The following KIF24 variants were observed in gnomAD, a reference collection of about 807,000 sequenced individuals.
KIF24 encodes kinesin-like protein KIF24.
In KIF24, 81 loss-of-function variants were observed where a neutral mutation model predicts 118.9. The observed-to-expected ratio is 0.68, with a 90% CI of 0.57 to 0.82. The LOEUF (loss-of-function observed/expected upper bound fraction) is 0.82, where lower values mean the gene tolerates loss of function less well. Among genes scored for constraint, KIF24 ranks in the 40% least tolerant of loss-of-function variants. The probability of loss-of-function intolerance (pLI) is 0.00; values close to 1 mark genes in which losing one functional copy is unlikely to be tolerated. For missense variants in KIF24, 1,560 were observed against 1,661.6 expected (o/e 0.94, Z 1.06); for synonymous variants, 599 against 610.0 (o/e 0.98, Z 0.27).
At chr9:34,287,636 G>A (rs1836098443) in intron 5 of KIF24, among the ~76,000 whole-genome samples, 1 of 152,128 alleles carries the variant, frequency 6.6e-6, no homozygotes, top group Non-Finnish European at 1.5e-5. Context: ...CTTCATCCCA[G>A]TTTTCCAGAT....
At chr9:34,300,015 C>T (rs1836638641) in intron 3 of KIF24, among the ~76,000 whole-genome samples, 1 of 152,054 alleles carries the variant, frequency 6.6e-6, no homozygotes. Flanking sequence ...ATGGACAGAT[C>T]CAGAAAACTG....
At chr9:34,311,643 TATATATACGTGTATATAC>T (rs1333272737) in intron 1 of KIF24, among the ~76,000 whole-genome samples, 6 of 143,750 alleles carry the variant, frequency 4.2e-5, no homozygotes, top group South Asian at 2.2e-4. Flanking sequence ...TACATATGTG[TATATATACGTGTATATAC>T]ATATATACGT....
At chr9:34,289,547 C>T (rs1836174711) in intron 5 of KIF24, among the ~76,000 whole-genome samples, 1 of 152,200 alleles carries the variant, frequency 6.6e-6, no homozygotes, top group Non-Finnish European at 1.5e-5. Flanking sequence ...ATTTCCTCCA[C>T]AACTTCTTTT....
At position 34,253,677 on chromosome 9, in the gene KIF24, A is replaced by G. The variant is rs1182560607; in HGVS notation, c.*703T>C. 1.3e-5 allele frequency: 2 copies of G among 152,228 alleles called. No individual in the cohort carries two copies. Among genetic ancestry groups the G allele is most frequent in the African/African-American group, 4.8e-5 (2 of 41,424 alleles). 9.4% of individuals were successfully genotyped at this position (152,228 alleles called of 1,614,324 possible). On this transcript the variant is annotated 3_prime_UTR_variant, in exon 13 of 13. Transcript: ENST00000402558. ...TTCACCCGAGCAAAAGTCAGGAGAAAAATTGATGTGTGACACAGGCACCCT... is the reference window on the plus strand; with the variant it reads ...TTCACCCGAGCAAAAGTCAGGAGAAGAATTGATGTGTGACACAGGCACCCT...
chr9:34,298,311 C>T (rs1254926815), intron 3 of KIF24, among the ~76,000 whole-genome samples: 4 of 152,028 alleles, frequency 2.6e-5, no homozygotes, highest in East Asian at 1.9e-4. Context: ...TTTGGGAGGC[C>T]GAGGCAGGTG....
At chr9:34,270,698 T>G (rs1384958841) in intron 7 of KIF24, among the ~76,000 whole-genome samples, 2 of 150,412 alleles carry the variant, frequency 1.3e-5, no homozygotes, top group Non-Finnish European at 3.0e-5. Context: ...GCTCAAGAGA[T>G]TCTCTCACCT....
In KIF24 at chr9:34,318,408, G is replaced by A. The variant is rs1411600653; in HGVS notation, c.-25-7037C>T. 3 of 594,548 alleles carry A rather than the reference G, an allele frequency of 5.0e-6. No homozygotes were observed. The highest frequency in any genetic ancestry group is 6.3e-6 in the Non-Finnish European group (2 of 316,890). The allele number at this position is 594,548 out of a possible 1,614,324, so 36.8% of individuals were successfully genotyped here. A position where few individuals can be genotyped will look rare whatever the true frequency, so the allele number is the denominator to read the frequency against. ...CACGCAAACCACCTCCCAGCCACGCGCTCCCTCCTGCTCCTCAGCGCCTTC... is the reference window on the plus strand; with the variant it reads ...CACGCAAACCACCTCCCAGCCACGCACTCCCTCCTGCTCCTCAGCGCCTTC... On this transcript the variant is annotated intron_variant, in intron 1 of 12. Coordinates refer to ENST00000402558, the MANE Select transcript of KIF24 (RefSeq NM_194313.4). This position sits in a 1 kb window ranked among gnomAD's most constrained non-coding sequence, Gnocchi z 4.9.
chr9:34,316,623 T>A (rs1271742956), intron 1 of KIF24, among the ~76,000 whole-genome samples: 1 of 152,240 alleles, frequency 6.6e-6, no homozygotes, highest in Non-Finnish European at 1.5e-5. Context: ...ATAGTCCACA[T>A]CCATACTACT....
chr9:34,319,542 T>C, intron 1 of KIF24: 1 of 1,169,398 alleles, frequency 8.6e-7, no homozygotes, highest in Non-Finnish European at 1.3e-6. Flanking sequence ...CCCCAAGCTG[T>C]TCTACTCCGA....
At chr9:34,325,649 G>T (rs1056052094) in intron 1 of KIF24, among the ~76,000 whole-genome samples, 2 of 140,524 alleles carry the variant, frequency 1.4e-5, no homozygotes, top group Non-Finnish European at 3.1e-5. Flanking sequence ...CCAAGATTGC[G>T]CCACTGCACT....
In KIF24 at chr9:34,314,485, T is replaced by C. The variant is rs538680464; in HGVS notation, c.-25-3114A>G. ...CCAGCCCAGTTTAGACACTTTAAAA[T>C]ATATAGATACCTGAGCCCCATCCCA... On this transcript the variant is annotated intron_variant, in intron 1 of 12. Transcript: ENST00000402558. Among the ~76,000 whole-genome samples, 7 of 152,124 alleles carry C rather than the reference T, an allele frequency of 4.6e-5. No homozygotes were observed. In the South Asian group the frequency reaches 1.2e-3, roughly 27 times the overall value.
At chr9:34,270,515 CAAA>C (rs1157919379) in intron 7 of KIF24, among the ~76,000 whole-genome samples, 2 of 56,038 alleles carry the variant, frequency 3.6e-5, no homozygotes, top group Admixed American at 2.0e-4. Context: ...GACTCCGTCT[CAAA>C]AAAAAAAAAA....
Position 34,318,377 on chromosome 9 carries a change from G to A in KIF24, c.-25-7006C>T, listed in dbSNP as rs1563964434. 2 of 549,706 alleles carry A rather than the reference G, an allele frequency of 3.6e-6. No homozygotes were observed. The highest frequency in any genetic ancestry group is 6.9e-6 in the Non-Finnish European group (2 of 289,374). 34.1% of individuals were successfully genotyped at this position (549,706 alleles called of 1,614,324 possible). The stretch of plus-strand genomic sequence containing the variant: ...TTGACCTAGCCCTGACAGGTCCATC[G>A]TGGTGCACGCAAACCACCTCCCAGC... On this transcript the variant is annotated intron_variant, in intron 1 of 12. Transcript: ENST00000402558. This position sits in a 1 kb window ranked among gnomAD's most constrained non-coding sequence, Gnocchi z 4.9.
At chr9:34,297,694 G>A (rs1254537656) in intron 3 of KIF24, among the ~76,000 whole-genome samples, 1 of 151,780 alleles carries the variant, frequency 6.6e-6, no homozygotes, top group African/African-American at 2.4e-5. Flanking sequence ...CCCAGGAGGT[G>A]GAGCTTGCAG....
chr9:34,254,929 G>GA (rs1397976524), intron 12 of KIF24, 143 bp downstream of exon 12: 1 of 622,138 alleles, frequency 1.6e-6, no homozygotes, highest in Non-Finnish European at 2.9e-6. Flanking sequence ...GGCGTGGCAA[G>GA]AGGAGGTGTG....
rs374477873 is a variant in KIF24 at position 34,269,240 on chromosome 9, G to C, written c.1443+17C>G. The C allele has an allele frequency of 2.0e-6, 3 of 1,469,276 alleles. No individual in the cohort carries two copies. The Middle Eastern group carries it at 5.3e-4, about 257-fold the overall frequency. The allele number at this position is 1,469,276 out of a possible 1,614,324, so 91.0% of individuals were successfully genotyped here. A position where few individuals can be genotyped will look rare whatever the true frequency, so the allele number is the denominator to read the frequency against. Reference sequence around the variant, plus strand: ...TTTCAAGAAGGATTTTTAGATTAAAGATTTTGAACAACTTACAGCCAGTAG... The same window carrying C: ...TTTCAAGAAGGATTTTTAGATTAAACATTTTGAACAACTTACAGCCAGTAG... On this transcript the variant is annotated intron_variant, in intron 8 of 12. Coordinates refer to ENST00000402558, the MANE Select transcript of KIF24 (RefSeq NM_194313.4).
chr9:34,298,285 C>A (rs571897274), intron 3 of KIF24, among the ~76,000 whole-genome samples: 2 of 152,268 alleles, frequency 1.3e-5, no homozygotes, highest in Non-Finnish European at 2.9e-5. Flanking sequence ...TGGCTCCACA[C>A]CTGTAATCTC....
intron 3 of KIF24, among the ~76,000 whole-genome samples, chr9:34,302,728 A>G (rs1200852721): frequency 6.6e-6 from 1 of 151,348 alleles, no homozygotes; most frequent in Non-Finnish European, 1.5e-5. Context: ...CATCCTCCCA[A>G]AGTGCTGGGA....
chr9:34,269,410 TTTTA>T, intron 7 of KIF24, 48 bp from the exon 8 acceptor site: 1 of 850,488 alleles, frequency 1.2e-6, no homozygotes, highest in Non-Finnish European at 1.8e-6. Context: ...CTTTATTTTA[TTTTA>T]TTTTATTTTT....
Sources: gnomAD v4.1 joint callset for allele counts (sites outside exome capture counted in the v4.1 genomes callset) on GRCh38, gnomAD v4.1.1 for gene constraint, Gnocchi (gnomAD v3.1) non-coding constraint, MANE v1.5 for transcripts, NCBI Gene and HGNC (gene_info 2026-07-23, HGNC 2026-07-21) for gene names.